The following HMX1 variants were observed in gnomAD, a reference collection of about 807,000 sequenced individuals.
The protein encoded by HMX1 is homeobox protein HMX1.
Under a neutral mutation model 8.9 loss-of-function variants are expected in HMX1, and 8 were observed. The observed-to-expected ratio is 0.90, with a 90% CI of 0.53 to 1.63. The LOEUF (loss-of-function observed/expected upper bound fraction) is 1.63. Ranked by LOEUF, HMX1 falls within the 40% of genes most tolerant of loss-of-function variation. The pLI is 0.00. For missense variants in HMX1, 621 were observed against 558.5 expected (o/e 1.11, Z -1.13); for synonymous variants, 311 against 283.4 (o/e 1.10, Z -0.98).
chr4:8,846,656 T>C (rs553937875), intron 1 of HMX1, among the ~76,000 whole-genome samples: 1 of 152,228 alleles, frequency 6.6e-6, no homozygotes, highest in Non-Finnish European at 1.5e-5. Flanking sequence ...CTCCTGCCTC[T>C]TCCACCTCTC....
intron 1 of HMX1, among the ~76,000 whole-genome samples, chr4:8,850,399 G>A (rs1343902891): frequency 6.6e-6 from 1 of 152,066 alleles, no homozygotes; most frequent in African/African-American, 2.4e-5. Context: ...GTCTCCACTG[G>A]CCCTGCTGAA....
At chr4:8,846,461 G>A in intron 1 of HMX1, 1 of 629,374 alleles carries the variant, frequency 1.6e-6, no homozygotes, top group Non-Finnish European at 2.7e-6. Context: ...AAACTACAGG[G>A]ACCTAGGACT....
rs1220192919 is a variant in HMX1 at position 8,847,727 on chromosome 4, A to C, written c.395-1403T>G. 6.6e-6 allele frequency among the ~76,000 whole-genome samples: 1 copy of C among 152,180 alleles called. No homozygotes were observed. Among genetic ancestry groups the C allele is most frequent in the Admixed American group, 6.5e-5 (1 of 15,276 alleles). On this transcript the variant is annotated intron_variant, in intron 1 of 1. Coordinates refer to the HMX1 transcript ENST00000506970. The surrounding 1 kb of genome is among the most constrained non-coding windows in gnomAD (Gnocchi z 6.0). ...TTTCCAGTATATGAGGCCTGCCTTG[A>C]CTATACTGCCTCCTTCATTATATCC...
At chr4:8,865,741 G>A (rs532542020), downstream of HMX1, among the ~76,000 whole-genome samples, 4 of 152,210 alleles carry the variant, frequency 2.6e-5, no homozygotes, top group South Asian at 4.1e-4. Flanking sequence ...TGCCCCTCAT[G>A]GCCGCCAACA....
Position 8,849,042 on chromosome 4 carries a change from G to T in HMX1, c.395-2718C>A, listed in dbSNP as rs933587943. Among the ~76,000 whole-genome samples the T allele has an allele frequency of 3.3e-5, 5 of 152,140 alleles. No homozygotes were observed. Among genetic ancestry groups the T allele is most frequent in the Non-Finnish European group, 5.9e-5 (4 of 68,050 alleles). ...GTGGGGGTGGAGACCCGGCTGAGGG[G>T]GGTGGGCCTCCTCCCCCTGCCCGCT... On this transcript the variant is annotated intron_variant, in intron 1 of 1. Transcript: ENST00000506970. This position sits in a 1 kb window ranked among gnomAD's most constrained non-coding sequence, Gnocchi z 6.6.
chr4:8,868,193 C>A lies in HMX1; in HGVS notation c.547G>T (p.Ala183Ser). 6.7e-7 allele frequency: 1 copy of A among 1,484,176 alleles called. No homozygotes were observed. The highest frequency in any genetic ancestry group is 8.9e-7 in the Non-Finnish European group (1 of 1,122,848). The allele number at this position is 1,484,176 out of a possible 1,614,324, so 91.9% of individuals were successfully genotyped here. A position where few individuals can be genotyped will look rare whatever the true frequency, so the allele number is the denominator to read the frequency against. ...TCCCCAGCCGCCGCAGGGACCTCGG[C>A]CAGCTCCGACGCCTCCTCCGTGCCG... ...AAGTEEASEL[A>S]EVPAAAGETR... The change falls in exon 2 of 2, where the codon GCC (alanine) becomes TCC (serine). Residue 183 changes from alanine (A) to serine (S), a missense_variant. By Grantham distance (99) the Ala-to-Ser change is moderately conservative. Coordinates refer to ENST00000400677, the MANE Select transcript of HMX1 (RefSeq NM_018942.3). The surrounding 1 kb of genome is among the most constrained non-coding windows in gnomAD (Gnocchi z 4.6).
Position 8,849,144 on chromosome 4 carries a change from C to A in HMX1, c.395-2820G>T, listed in dbSNP as rs889937606. Among the ~76,000 whole-genome samples the A allele has an allele frequency of 6.6e-6, 1 of 151,998 alleles. No individual in the cohort carries two copies. The highest frequency in any genetic ancestry group is 1.5e-5 in the Non-Finnish European group (1 of 68,032). On this transcript the variant is annotated intron_variant, in intron 1 of 1. Transcript: ENST00000506970. This position sits in a 1 kb window ranked among gnomAD's most constrained non-coding sequence, Gnocchi z 6.6. ...CGGGGGTATGAAGTGTGGGATGAAGCCTTTTCATGAGGTTGTGAGACGGGT... is the reference window on the plus strand; with the variant it reads ...CGGGGGTATGAAGTGTGGGATGAAGACTTTTCATGAGGTTGTGAGACGGGT...
In HMX1 at chr4:8,868,398, T is replaced by C; in HGVS notation, c.395-53A>G. 1 of 1,256,750 alleles carries C rather than the reference T, an allele frequency of 8.0e-7. No individual in the cohort carries two copies. Among genetic ancestry groups the C allele is most frequent in the Non-Finnish European group, 1.0e-6 (1 of 990,420 alleles). The allele number at this position is 1,256,750 out of a possible 1,614,324, so 77.8% of individuals were successfully genotyped here. A position where few individuals can be genotyped will look rare whatever the true frequency, so the allele number is the denominator to read the frequency against. ...GGTTCTAGGGCACTGATTACCAGAC[T>C]CAATCACTGAGGCCAGCCGTCCCCA... On this transcript the variant is annotated intron_variant, in intron 1 of 1. Coordinates refer to ENST00000400677, the MANE Select transcript of HMX1 (RefSeq NM_018942.3). This position sits in a 1 kb window ranked among gnomAD's most constrained non-coding sequence, Gnocchi z 4.6.
chr4:8,866,726 T>C (rs1722009142), downstream of HMX1, among the ~76,000 whole-genome samples: 1 of 152,366 alleles, frequency 6.6e-6, no homozygotes, highest in East Asian at 1.9e-4. Flanking sequence ...CGAGCCCCTG[T>C]GACGAATGCC....
In HMX1 at chr4:8,848,801, T is replaced by A. The variant is rs1721349567; in HGVS notation, c.395-2477A>T. Among the ~76,000 whole-genome samples the A allele has an allele frequency of 6.6e-6, 1 of 152,208 alleles. No individual in the cohort carries two copies. Among genetic ancestry groups the A allele is most frequent in the African/African-American group, 2.4e-5 (1 of 41,436 alleles). On this transcript the variant is annotated intron_variant, in intron 1 of 1. Transcript: ENST00000506970. The surrounding 1 kb of genome is among the most constrained non-coding windows in gnomAD (Gnocchi z 4.1). ...AGCAAGGAGACATCATAAGGGCTTT[T>A]CCTGGTTGGTGAAGACCACAGGCTG...
intron 1 of HMX1, among the ~76,000 whole-genome samples, chr4:8,851,724 A>C (rs1721454353): frequency 6.6e-6 from 1 of 152,166 alleles, no homozygotes; most frequent in South Asian, 2.1e-4. Context: ...CGGGGCCTCC[A>C]TTTCTCCATC....
chr4:8,846,355 C>CA (rs760631906), intron 1 of HMX1: 36 of 1,491,756 alleles, frequency 2.4e-5, no homozygotes, highest in Non-Finnish European at 2.2e-5. Context: ...GTATTGGGAG[C>CA]ACTAGTCATG....
chr4:8,858,943 C>G (rs1345807068), intron 1 of HMX1: 1 of 152,370 alleles, frequency 6.6e-6, no homozygotes, highest in Non-Finnish European at 1.5e-5. Context: ...GCAATAGCCC[C>G]TCTGGTTCCT....
chr4:8,859,955 G>A (rs1263070315), intron 1 of HMX1, among the ~76,000 whole-genome samples: 1 of 152,250 alleles, frequency 6.6e-6, no homozygotes, highest in African/African-American at 2.4e-5. Context: ...CATGTTGTTG[G>A]GAGCAAGGAG....
Position 8,849,111 on chromosome 4 carries a change from C to G in HMX1, c.395-2787G>C, listed in dbSNP as rs1357555749. 6.6e-6 allele frequency among the ~76,000 whole-genome samples: 1 copy of G among 152,078 alleles called. No homozygotes were observed. Among genetic ancestry groups the G allele is most frequent in the African/African-American group, 2.4e-5 (1 of 41,432 alleles). The stretch of plus-strand genomic sequence containing the variant: ...TCTCTCAGAGCCTCGATTTTCCCAT[C>G]TGTGAAACGGGGGTATGAAGTGTGG... On this transcript the variant is annotated intron_variant, in intron 1 of 1. Transcript: ENST00000506970. The surrounding 1 kb of genome is among the most constrained non-coding windows in gnomAD (Gnocchi z 6.6).
rs556904902 is a variant in HMX1, at chr4:8,867,408, G to C, written c.*285C>G. ...GCCGACCGCTCCTCGCTGAGGCCGG[G>C]GGGTGGCCGTGGCGCCGGGGGCTGC... On this transcript the variant is annotated 3_prime_UTR_variant, in exon 2 of 2. Coordinates refer to ENST00000400677, the MANE Select transcript of HMX1 (RefSeq NM_018942.3). 7.4e-6 allele frequency: 8 copies of C among 1,081,008 alleles called. No homozygotes were observed. Among genetic ancestry groups the C allele is most frequent in the Non-Finnish European group, 9.0e-6 (8 of 892,538 alleles). 67.0% of individuals were successfully genotyped at this position (1,081,008 alleles called of 1,614,324 possible). A position where few individuals can be genotyped will look rare whatever the true frequency, so the allele number is the denominator to read the frequency against.
Position 8,867,817 on chromosome 4 carries a change from GGCGCCA to G in HMX1, c.917_922del (p.Leu306_Ala307del), listed in dbSNP as rs1722058500. The stretch of plus-strand genomic sequence containing the variant: ...CGGTGGGGGCGGCGCGGGCGCGGCG[GGCGCCA>G]GCGGGAAGGGCAGGGTGGCCGGGGG... On this transcript the variant is annotated inframe_deletion, in exon 2 of 2. Transcript: ENST00000400677. 1.2e-5 allele frequency: 15 copies of G among 1,226,024 alleles called. No individual in the cohort carries two copies. The East Asian group carries it at 4.9e-4, about 40-fold the overall frequency. The allele number at this position is 1,226,024 out of a possible 1,614,324, so 75.9% of individuals were successfully genotyped here.
At chr4:8,869,484 G>A (rs1458300890) in intron 1 of HMX1, among the ~76,000 whole-genome samples, 1 of 152,242 alleles carries the variant, frequency 6.6e-6, no homozygotes, top group African/African-American at 2.4e-5. Context: ...GCACTCGGCC[G>A]GGTGTGTGCC....
At chr4:8,851,320 C>T (rs547486246) in intron 1 of HMX1, among the ~76,000 whole-genome samples, 2 of 152,192 alleles carry the variant, frequency 1.3e-5, no homozygotes, top group Non-Finnish European at 2.9e-5. Context: ...TCAGGGATGG[C>T]CTAGATCCAG....
Sources: gnomAD v4.1 joint callset for allele counts (sites outside exome capture counted in the v4.1 genomes callset) on GRCh38, gnomAD v4.1.1 for gene constraint, Gnocchi (gnomAD v3.1) non-coding constraint, MANE v1.5 for transcripts, NCBI Gene and HGNC (gene_info 2026-07-23, HGNC 2026-07-21) for gene names.